The following KEL variants were observed in gnomAD, a reference collection of about 807,000 sequenced individuals.
The protein encoded by KEL is kell blood group glycoprotein.
Under a neutral mutation model 99.5 loss-of-function variants are expected in KEL, and 96 were observed. The ratio of observed to expected loss-of-function variants is 0.97; its 90% CI spans 0.82 to 1.14. The LOEUF is 1.14. KEL is among the 50% of genes most tolerant of loss of function. The pLI is 0.00. For missense variants in KEL, 926 were observed against 924.2 expected (o/e 1.00, Z -0.03); for synonymous variants, 355 against 354.8 (o/e 1.00, Z -0.01).
In KEL at chr7:142,960,921, T is replaced by C. The variant is rs1418174829; in HGVS notation, c.400+7A>G. On this transcript the variant is annotated splice_region_variant and intron_variant, in intron 4 of 18. Coordinates refer to ENST00000355265, the MANE Select transcript of KEL (RefSeq NM_000420.3). The stretch of plus-strand genomic sequence containing the variant: ...GCACAGAGCATCTTCCACCCTGCTT[T>C]CCTCACCCAGTATTCTCCGAAGTCG... The C allele has an allele frequency of 6.2e-7, 1 of 1,614,172 alleles. No homozygotes were observed. The highest frequency in any genetic ancestry group is 8.5e-7 in the Non-Finnish European group (1 of 1,179,988).
At chr7:142,944,482 C>A (rs1339426923) in intron 12 of KEL, 82 bp from the exon 13 acceptor site, 1 of 1,282,786 alleles carries the variant, frequency 7.8e-7, no homozygotes, top group Non-Finnish European at 1.1e-6. Context: ...CCTGTCCCAG[C>A]CTCTCACATT....
At chr7:142,952,670 C>T (rs1487480263) in intron 9 of KEL, 32 bp from the exon 10 acceptor site, 1 of 1,613,042 alleles carries the variant, frequency 6.2e-7, no homozygotes, top group Non-Finnish European at 8.5e-7. Context: ...ACACATATAC[C>T]CCAGGAATCT....
In KEL at chr7:142,941,250, A is replaced by T. The variant is rs1190753923; in HGVS notation, c.*2T>A. 6.2e-7 allele frequency: 1 copy of T among 1,613,762 alleles called. No individual in the cohort carries two copies. Among genetic ancestry groups the T allele is most frequent in the Non-Finnish European group, 8.5e-7 (1 of 1,179,810 alleles). On this transcript the variant is annotated 3_prime_UTR_variant, in exon 19 of 19. Transcript: ENST00000355265. ...TGTGCTGTGGCATCTTTGGTAACCA[A>T]GTTACCAGAGCTGGCAGCGGCTGGA...
At chr7:142,953,244 C>A (rs887992160) in intron 9 of KEL, 46 of 589,598 alleles carry the variant, frequency 7.8e-5, no homozygotes, top group Non-Finnish European at 9.2e-5. Flanking sequence ...ATGTCCCCAA[C>A]CCCAACACCC....
At chr7:142,943,458 C>G (rs368561140) in intron 15 of KEL, 28 bp downstream of exon 15, 3 of 1,608,226 alleles carry the variant, frequency 1.9e-6, no homozygotes, top group Non-Finnish European at 2.6e-6. Context: ...GGGAAACTCC[C>G]TACCTACCCT....
At chr7:142,942,258 C>T (rs1796379304) in intron 18 of KEL, 176 bp downstream of exon 18, 1 of 631,038 alleles carries the variant, frequency 1.6e-6, no homozygotes, top group East Asian at 2.7e-5. Context: ...CTGTAGTCAT[C>T]TGAGGGGTGA....
chr7:142,946,876 GA>G (rs1489419612), intron 10 of KEL, among the ~76,000 whole-genome samples: 1 of 152,192 alleles, frequency 6.6e-6, no homozygotes, highest in Non-Finnish European at 1.5e-5. Context: ...TGTTTGCTAG[GA>G]AAAGAGGACA....
At chr7:142,950,655 C>T (rs1232323772) in intron 10 of KEL, among the ~76,000 whole-genome samples, 2 of 152,262 alleles carry the variant, frequency 1.3e-5, no homozygotes, top group African/African-American at 2.4e-5. Context: ...CCTGGGAACA[C>T]AGCATTTACT....
chr7:142,945,138 C>T (rs540812827), intron 11 of KEL, among the ~76,000 whole-genome samples: 2 of 152,302 alleles, frequency 1.3e-5, no homozygotes, highest in Non-Finnish European at 2.9e-5. Flanking sequence ...TTTAAACCGT[C>T]CACTCCCTCT....
At chr7:142,956,649 G>T (rs1005019120) in intron 6 of KEL, among the ~76,000 whole-genome samples, 2 of 151,770 alleles carry the variant, frequency 1.3e-5, no homozygotes, top group African/African-American at 4.8e-5. Context: ...CATTTCCAAC[G>T]CCCCATAGCT....
At chr7:142,948,857 T>C (rs8176008) in intron 10 of KEL, among the ~76,000 whole-genome samples, 12,363 of 151,562 alleles carry the variant, frequency 0.082, 1,191 homozygotes, top group African/African-American at 0.24. Context: ...AGTCAGTTGT[T>C]GCCACAGGAG....
rs570786525 is a variant in KEL at position 142,941,396 on chromosome 7, G to A, written c.2055C>T (p.Pro685=). ...RSYAQVMCRK[P]SPQDSHDTHS... is the part of the protein sequence containing the mutation. The stretch of plus-strand genomic sequence containing the variant: ...GAGTGTCGTGAGAGTCCTGGGGGCT[G>A]GGCTTCCTACACATCACCTGAGCAG... Residue 685 remains proline (P), a synonymous_variant, in exon 19 of 19, where the codon CCC becomes CCT. Transcript: ENST00000355265. 1.9e-6 allele frequency: 3 copies of A among 1,604,188 alleles called. No homozygotes were observed. The highest frequency in any genetic ancestry group is 1.7e-5 in the Admixed American group (1 of 59,702).
intron 10 of KEL, among the ~76,000 whole-genome samples, chr7:142,951,575 T>C (rs1033778441): frequency 1.3e-5 from 2 of 152,172 alleles, no homozygotes; most frequent in East Asian, 1.9e-4. Flanking sequence ...CTCTTTAAAA[T>C]AGGAACCAAA....
chr7:142,944,729 A>G lies in KEL; in HGVS notation c.1327T>C (p.Phe443Leu). 1.2e-6 allele frequency: 2 copies of G among 1,613,932 alleles called. No individual in the cohort carries two copies. Among genetic ancestry groups the G allele is most frequent in the East Asian group, 2.2e-5 (1 of 44,866 alleles). ...PSTRSAAMKL[F>L]TAIRDALITR... ...ATGAGGGCATCCCGGATCGCAGTGA[A>G]TAATTTCATGGCCTGTGGGAGTGAG... The change falls in exon 12 of 19, where the codon TTC becomes CTC. Residue 443 changes from phenylalanine (F) to leucine (L), a missense_variant. By Grantham distance (22) the Phe-to-Leu change is conservative. Transcript: ENST00000355265.
At chr7:142,961,981 C>T in intron 1 of KEL, 109 bp from the exon 2 acceptor site, 2 of 1,607,058 alleles carry the variant, frequency 1.2e-6, no homozygotes, top group South Asian at 2.2e-5. Flanking sequence ...GCCCTGCCCC[C>T]ACACACATAT....
chr7:142,958,547 T>A, intron 4 of KEL, 119 bp from the exon 5 acceptor site: 2 of 897,490 alleles, frequency 2.2e-6, no homozygotes, highest in East Asian at 2.6e-5. Flanking sequence ...CAGATGGGTT[T>A]TATTTAACCC....
Position 142,946,239 on chromosome 7 carries a change from GAACA to G in KEL, c.1278_1281del (p.Glu429ProfsTer11). The G allele has an allele frequency of 6.2e-7, 1 of 1,614,060 alleles. No individual in the cohort carries two copies. Among genetic ancestry groups the G allele is most frequent in the Non-Finnish European group, 8.5e-7 (1 of 1,179,956 alleles). On this transcript the variant is annotated frameshift_variant, in exon 11 of 19. Transcript: ENST00000355265. LOFTEE classifies it high-confidence loss of function. ...CGGGTGCTCGGGCCAAAGGCCTCAC[GAACA>G]AACAAAGCCGCCAGCGTGGGCTCGA...
rs1424874445 is a variant in KEL at position 142,958,341 on chromosome 7, G to A, written c.488C>T (p.Ala163Val). 6.2e-7 allele frequency: 1 copy of A among 1,614,130 alleles called. No individual in the cohort carries two copies. Among genetic ancestry groups the A allele is most frequent in the Admixed American group, 1.7e-5 (1 of 60,016 alleles). The change falls in exon 5 of 19, where the codon GCT becomes GTT. Residue 163 changes from alanine (A) to valine (V), a missense_variant. By Grantham distance (64) the Ala-to-Val change is moderately conservative. Coordinates refer to ENST00000355265, the MANE Select transcript of KEL (RefSeq NM_000420.3). ...TTGTCTGAGGGGACCAGTCCCTGCA[G>A]CTTCAATGGCAAGTGTATCCATGCA... ...NSCMDTLAIE[A>V]AGTGPLRQVI...
rs1796391166 is a variant in KEL, at chr7:142,942,622, G to C, written c.1942-93C>G. 8.0e-6 allele frequency: 8 copies of C among 995,132 alleles called. No individual in the cohort carries two copies. The Admixed American group carries it at 9.9e-5, about 12-fold the overall frequency. 61.6% of individuals were successfully genotyped at this position (995,132 alleles called of 1,614,324 possible). A position where few individuals can be genotyped will look rare whatever the true frequency, so the allele number is the denominator to read the frequency against. ...ACAGTACCCAAAACCCATGGCCCTT[G>C]CTCACTGGTTCTGCACTGACTAGTT... On this transcript the variant is annotated intron_variant, in intron 17 of 18. Coordinates refer to ENST00000355265, the MANE Select transcript of KEL (RefSeq NM_000420.3).
Sources: gnomAD v4.1 joint callset for allele counts (sites outside exome capture counted in the v4.1 genomes callset) on GRCh38, gnomAD v4.1.1 for gene constraint, MANE v1.5 for transcripts, NCBI Gene and HGNC (gene_info 2026-07-23, HGNC 2026-07-21) for gene names.